Variants in YTHDF2 observed in about 807,000 individuals in gnomAD.
The protein encoded by YTHDF2 is YTH N6-methyladenosine RNA binding protein F2.
Under a neutral mutation model 50.4 loss-of-function variants are expected in YTHDF2, and 2 were observed. The observed-to-expected ratio is 0.04, with a 90% CI of 0.02 to 0.12. The LOEUF (loss-of-function observed/expected upper bound fraction) is 0.12, where lower values mean the gene tolerates loss of function less well. Ranked by LOEUF, YTHDF2 falls within the 10% of genes least tolerant of loss-of-function variation. YTHDF2 has a pLI of 1.00. For synonymous variants in YTHDF2, 217 were observed against 255.6 expected, an observed-to-expected ratio of 0.85 and a Z score of 1.44; for missense variants, 483 against 722.6, an observed-to-expected ratio of 0.67 and a Z score of 3.80.
intron 4 of YTHDF2, among the ~76,000 whole-genome samples, chr1:28,765,825 A>G (rs557627008): frequency 1.3e-5 from 2 of 152,298 alleles, no homozygotes; most frequent in South Asian, 2.1e-4. Context: ...TAAAATGTGT[A>G]TATATAATGT....
chr1:28,749,168 T>TTTC (rs142692001), intron 4 of YTHDF2, among the ~76,000 whole-genome samples: 8,025 of 146,960 alleles, frequency 0.055, 751 homozygotes, highest in African/African-American at 0.19. Context: ...GTTAAGAGCC[T>TTTC]TTCTTTCTTC....
chr1:28,749,877 T>C lies in YTHDF2; in HGVS notation c.1716+5891T>C, dbSNP rs1309362343. On this transcript the variant is annotated intron_variant, in intron 4 of 4. Coordinates refer to ENST00000373812, the MANE Select transcript of YTHDF2 (RefSeq NM_016258.3). Reference sequence around the variant, plus strand: ...AAGTGTGATTGTGGTGGCAACAGTTTGAGTTTTAGTCTAAAAAAAAGTCAT... The same window carrying C: ...AAGTGTGATTGTGGTGGCAACAGTTCGAGTTTTAGTCTAAAAAAAAGTCAT... Among the ~76,000 whole-genome samples the C allele has an allele frequency of 5.3e-5, 8 of 152,132 alleles. No homozygotes were observed. The East Asian group carries it at 1.5e-3, about 29-fold the overall frequency.
chr1:28,754,712 G>C (rs1274867800), intron 4 of YTHDF2, among the ~76,000 whole-genome samples: 1 of 151,884 alleles, frequency 6.6e-6, no homozygotes, highest in Non-Finnish European at 1.5e-5. Flanking sequence ...GCTGGGGCAG[G>C]AGAATCACTT....
chr1:28,753,715 T>G (rs2087992704), intron 4 of YTHDF2, among the ~76,000 whole-genome samples: 1 of 151,488 alleles, frequency 6.6e-6, no homozygotes. Flanking sequence ...TTTTTTTTTT[T>G]TTTTTTCTGA....
At chr1:28,751,369 A>G (rs2124184886) in intron 4 of YTHDF2, among the ~76,000 whole-genome samples, 1 of 152,292 alleles carries the variant, frequency 6.6e-6, no homozygotes, top group African/African-American at 2.4e-5. Context: ...CCCATTTAGT[A>G]TCTTACCACC....
intron 4 of YTHDF2, among the ~76,000 whole-genome samples, chr1:28,749,986 G>GTTTTTTTTTTTTTTTTTTTTTTTTTTTTT (rs371730633): frequency 1.3e-5 from 1 of 78,332 alleles, no homozygotes; most frequent in Non-Finnish European, 2.2e-5. Flanking sequence ...AAAAAAGGTT[G>GTTTTTTTTTTTTTTTTTTTTTTTTTTTTT]TTTTTTTTTT....
At chr1:28,744,185 A>G (rs184019688) in intron 4 of YTHDF2, among the ~76,000 whole-genome samples, 199 bp downstream of exon 4, 1 of 152,372 alleles carries the variant, frequency 6.6e-6, no homozygotes, top group East Asian at 1.9e-4. Flanking sequence ...AGTAGAGGAC[A>G]GAAATACGGA....
chr1:28,759,197 A>G (rs922205759), intron 4 of YTHDF2, among the ~76,000 whole-genome samples: 3 of 152,254 alleles, frequency 2.0e-5, no homozygotes, highest in East Asian at 3.9e-4. Context: ...TTGGGTGTAT[A>G]AAGTTGATAT....
chr1:28,737,912 G>A, intron 2 of YTHDF2: 1 of 597,132 alleles, frequency 1.7e-6, no homozygotes, highest in Non-Finnish European at 2.9e-6. Flanking sequence ...GTTTTGAAAC[G>A]CTCCAGGTCC....
intron 4 of YTHDF2, among the ~76,000 whole-genome samples, chr1:28,750,962 T>C (rs1448570462): frequency 6.6e-6 from 1 of 151,516 alleles, no homozygotes; most frequent in East Asian, 1.9e-4. Flanking sequence ...GCGTGGTGGC[T>C]CGTGCCTGTA....
intron 4 of YTHDF2, among the ~76,000 whole-genome samples, chr1:28,768,382 A>C (rs1017745740): frequency 5.9e-5 from 9 of 151,650 alleles, no homozygotes; most frequent in Non-Finnish European, 1.2e-4. Context: ...AGGAGGCCAG[A>C]TGTGTGGGTT....
At chr1:28,759,764 T>C (rs191304114) in intron 4 of YTHDF2, among the ~76,000 whole-genome samples, 100 of 152,274 alleles carry the variant, frequency 6.6e-4, no homozygotes, top group African/African-American at 2.3e-3. Context: ...GAGACTGGCC[T>C]GACCAACATG....
chr1:28,748,096 C>T (rs1311105267), intron 4 of YTHDF2, among the ~76,000 whole-genome samples: 1 of 151,366 alleles, frequency 6.6e-6, no homozygotes, highest in African/African-American at 2.4e-5. Context: ...CCACTGGACT[C>T]CAGCCTGGGC....
rs1194321589 is a variant in YTHDF2 at position 28,738,325 on chromosome 1, C to T, written c.119C>T (p.Pro40Leu). 1.2e-6 allele frequency: 2 copies of T among 1,613,900 alleles called. No homozygotes were observed. Among genetic ancestry groups the T allele is most frequent in the South Asian group, 1.1e-5 (1 of 91,082 alleles). Residue 40 changes from proline (P) to leucine (L), a missense_variant, in exon 3 of 5, where the codon CCA becomes CTA. Pro to Leu is a moderately conservative substitution (Grantham distance 98). Around this residue, in one of 4 missense-constraint regions of YTHDF2, gnomAD observed 385 missense variants for 475.8 expected, o/e 0.81. Transcript: ENST00000373812. Reference protein sequence around the residue: ...NDDDFEPYLSPQARPNNAYTA... With the variant: ...NDDDFEPYLSLQARPNNAYTA... The stretch of plus-strand genomic sequence containing the variant: ...GATGATTTTGAACCTTACTTGAGTC[C>T]ACAGGCAAGGCCCGTGAGTAGTTAA...
At chr1:28,757,414 A>G (rs989138613) in intron 4 of YTHDF2, among the ~76,000 whole-genome samples, 2 of 138,120 alleles carry the variant, frequency 1.4e-5, no homozygotes, top group African/African-American at 5.3e-5. Flanking sequence ...GGGAAGGGAC[A>G]GGGGCTGGCA....
intron 3 of YTHDF2, among the ~76,000 whole-genome samples, chr1:28,739,648 A>T (rs1166160146): frequency 6.6e-6 from 1 of 152,140 alleles, no homozygotes; most frequent in Non-Finnish European, 1.5e-5. Context: ...TGTGGAGAAT[A>T]CTTTATTTCT....
At chr1:28,736,693 G>T, upstream of YTHDF2, 1 of 222,026 alleles carries the variant, frequency 4.5e-6, no homozygotes, top group Non-Finnish European at 9.1e-6. Context: ...CCTTAATCCT[G>T]GGGCGGTGGG....
At chr1:28,764,935 TG>T (rs1320284649) in intron 4 of YTHDF2, among the ~76,000 whole-genome samples, 10 of 152,272 alleles carry the variant, frequency 6.6e-5, no homozygotes, top group African/African-American at 2.4e-4. Context: ...TATTCACAGC[TG>T]TGATCATAGT....
chr1:28,769,140 AAAAG>A lies in YTHDF2; in HGVS notation c.*192_*195del, dbSNP rs1349853151. Reference sequence around the variant, plus strand: ...TAACTGGAAAATGAAAAAAAAAAGAAAAAGAAAAAACTAAACAAAAAATCCCTCT... The same window carrying A: ...TAACTGGAAAATGAAAAAAAAAAGAAAAAAAACTAAACAAAAAATCCCTCT... On this transcript the variant is annotated 3_prime_UTR_variant, in exon 5 of 5. Coordinates refer to ENST00000373812, the MANE Select transcript of YTHDF2 (RefSeq NM_016258.3). 12 of 433,620 alleles carry A rather than the reference AAAAG, an allele frequency of 2.8e-5. No individual in the cohort carries two copies. In the Admixed American group the frequency reaches 4.8e-4, roughly 17 times the overall value. 26.9% of individuals were successfully genotyped at this position (433,620 alleles called of 1,614,324 possible).
Sources: gnomAD v4.1 joint callset for allele counts (sites outside exome capture counted in the v4.1 genomes callset) on GRCh38, gnomAD v4.1.1 for gene constraint, gnomAD v4.1.1 regional missense constraint, MANE v1.5 for transcripts, NCBI Gene and HGNC (gene_info 2026-07-23, HGNC 2026-07-21) for gene names.